Variants in SBF2 observed in about 807,000 individuals in gnomAD.
The protein encoded by SBF2 is SET binding factor 2, also known as myotubularin-related protein 13.
In SBF2, 112 loss-of-function variants were observed where a neutral mutation model predicts 225.2. That is an observed-to-expected ratio of 0.50 (90% CI 0.43 to 0.58). The LOEUF (loss-of-function observed/expected upper bound fraction) is 0.58. Ranked by LOEUF, SBF2 falls within the 20% of genes least tolerant of loss-of-function variation. SBF2 has a pLI of 0.00. For missense variants in SBF2, 1,996 were observed against 2,206.2 expected (o/e 0.90, Z 1.91); for synonymous variants, 763 against 773.3 (o/e 0.99, Z 0.22).
chr11:9,780,151 G>T lies in SBF2; in HGVS notation c.*267C>A. On this transcript the variant is annotated 3_prime_UTR_variant, in exon 40 of 40. Coordinates refer to ENST00000256190, the MANE Select transcript of SBF2 (RefSeq NM_030962.4). Reference sequence around the variant, plus strand: ...TGGGTGAGGTTCACAGTTGGCTCAGGAGACATCTTCTGATCATTAACCACT... The same window carrying T: ...TGGGTGAGGTTCACAGTTGGCTCAGTAGACATCTTCTGATCATTAACCACT... 2.2e-6 allele frequency: 1 copy of T among 464,904 alleles called. No individual in the cohort carries two copies. The highest frequency in any genetic ancestry group is 4.0e-6 in the Non-Finnish European group (1 of 251,792). 28.8% of individuals were successfully genotyped at this position (464,904 alleles called of 1,614,324 possible).
At chr11:9,940,383 C>A (rs942393140) in intron 16 of SBF2, among the ~76,000 whole-genome samples, 4 of 149,108 alleles carry the variant, frequency 2.7e-5, no homozygotes, top group Non-Finnish European at 6.0e-5. Context: ...CCAGCCTGGG[C>A]AACACAGCGA....
Position 9,923,350 on chromosome 11 carries a change from G to C in SBF2, c.1861-27339C>G, listed in dbSNP as rs1027989795. Among the ~76,000 whole-genome samples the C allele has an allele frequency of 5.3e-5, 8 of 152,134 alleles. No homozygotes were observed. The East Asian group carries it at 1.5e-3, about 29-fold the overall frequency. ...AACAACAACAAAACAGACAAGGCGT[G>C]CTGAGTTCTACAATGGAGAGACTAA... On this transcript the variant is annotated intron_variant, in intron 16 of 39. Transcript: ENST00000256190.
At chr11:9,834,591 G>A (rs527811510) in intron 26 of SBF2, among the ~76,000 whole-genome samples, 12 of 152,286 alleles carry the variant, frequency 7.9e-5, no homozygotes, top group African/African-American at 2.6e-4. Flanking sequence ...TGATAACTTG[G>A]AAGCATTCTG....
intron 1 of SBF2, among the ~76,000 whole-genome samples, chr11:10,267,260 C>T (rs1037459462): frequency 2.0e-5 from 3 of 151,636 alleles, no homozygotes; most frequent in Admixed American, 2.0e-4. Flanking sequence ...TATACAAACC[C>T]GAAACTGTCT....
At chr11:10,019,793 T>TA (rs369154232) in intron 6 of SBF2, among the ~76,000 whole-genome samples, 6 of 152,144 alleles carry the variant, frequency 3.9e-5, no homozygotes, top group African/African-American at 1.4e-4. Flanking sequence ...ATCATTTCAG[T>TA]AAAAAGGATA....
chr11:9,967,924 T>C, intron 14 of SBF2, among the ~76,000 whole-genome samples: 1 of 114,116 alleles, frequency 8.8e-6, no homozygotes, highest in African/African-American at 3.2e-5. Flanking sequence ...TGTCTGTCTG[T>C]CTGTCTGTCT....
intron 32 of SBF2, among the ~76,000 whole-genome samples, chr11:9,799,368 A>G (rs1229656400): frequency 1.3e-5 from 2 of 152,172 alleles, no homozygotes; most frequent in African/African-American, 4.8e-5. Context: ...ATCAAGGTGT[A>G]TACGCTTGGG....
Position 10,042,891 on chromosome 11 carries a change from G to C in SBF2, c.232C>G (p.His78Asp). The change falls in exon 3 of 40, where the codon CAT becomes GAT. Residue 78 changes from histidine to aspartate, a missense_variant. By Grantham distance (81) the His-to-Asp change is moderately conservative (BLOSUM62 -1). Transcript: ENST00000256190. ...VVLTDIDSDR[H>D]YCSCLTFYEA... is the part of the protein sequence containing the mutation. ...TAGAAGGTTAGGCATGAGCAGTAAT[G>C]TCGATCTGAGTCAATGTCTGTCAGG... is the stretch of plus-strand genomic sequence containing the variant. 1.2e-6 allele frequency: 2 copies of C among 1,614,006 alleles called. No individual in the cohort carries two copies. Among genetic ancestry groups the C allele is most frequent in the Non-Finnish European group, 1.7e-6 (2 of 1,179,902 alleles).
intron 6 of SBF2, among the ~76,000 whole-genome samples, chr11:10,012,837 G>A (rs924854748): frequency 6.6e-6 from 1 of 151,596 alleles, no homozygotes; most frequent in Admixed American, 6.6e-5. Flanking sequence ...AAATCTGCTT[G>A]TAATGTTAGG....
At chr11:9,935,643 A>T (rs1864842895) in intron 16 of SBF2, among the ~76,000 whole-genome samples, 1 of 152,188 alleles carries the variant, frequency 6.6e-6, no homozygotes. Flanking sequence ...AGGCCTCAGA[A>T]ATATCACCAC....
chr11:10,183,427 T>G (rs1956813368), intron 2 of SBF2, among the ~76,000 whole-genome samples: 1 of 152,144 alleles, frequency 6.6e-6, no homozygotes, highest in South Asian at 2.1e-4. Flanking sequence ...TTTTTCAAGG[T>G]TTTTCAGGAA....
chr11:10,172,472 C>T (rs1343969097), intron 2 of SBF2, among the ~76,000 whole-genome samples: 1 of 152,146 alleles, frequency 6.6e-6, no homozygotes, highest in African/African-American at 2.4e-5. Context: ...CTGCCTCAGC[C>T]TCCCAAGTAG....
At chr11:9,986,066 G>A (rs1347546606) in intron 13 of SBF2, among the ~76,000 whole-genome samples, 2 of 152,040 alleles carry the variant, frequency 1.3e-5, no homozygotes, top group African/African-American at 4.8e-5. Flanking sequence ...TAAGAAAACT[G>A]AAATTTTATC....
intron 1 of SBF2, among the ~76,000 whole-genome samples, chr11:10,225,044 G>C (rs1958483818): frequency 6.6e-6 from 1 of 152,154 alleles, no homozygotes; most frequent in Admixed American, 6.6e-5. Flanking sequence ...CTTGGAGATA[G>C]AGGGGTATGA....
intron 1 of SBF2, among the ~76,000 whole-genome samples, chr11:10,301,887 T>A (rs1163680995): frequency 6.6e-6 from 1 of 152,260 alleles, no homozygotes; most frequent in Non-Finnish European, 1.5e-5. Flanking sequence ...AATGTCAGGA[T>A]GTACACATTT....
intron 1 of SBF2, among the ~76,000 whole-genome samples, chr11:10,227,356 T>A (rs999194501): frequency 6.6e-6 from 1 of 152,232 alleles, no homozygotes; most frequent in Non-Finnish European, 1.5e-5. Context: ...TTGGCTTTTG[T>A]TGCCATTGCT....
intron 2 of SBF2, among the ~76,000 whole-genome samples, chr11:10,157,979 A>C (rs72861704): frequency 0.05 from 7,634 of 152,316 alleles, 287 homozygotes; most frequent in Middle Eastern, 0.15. Flanking sequence ...AACTGAAATC[A>C]TAGCAAGAAT....
intron 17 of SBF2, among the ~76,000 whole-genome samples, chr11:9,886,993 G>A (rs1251252722): frequency 1.3e-5 from 2 of 152,130 alleles, no homozygotes; most frequent in African/African-American, 4.8e-5. Flanking sequence ...TACTCAGGAC[G>A]TGGTAGCATA....
intron 16 of SBF2, among the ~76,000 whole-genome samples, chr11:9,955,451 C>A (rs1237968536): frequency 1.3e-5 from 2 of 152,010 alleles, no homozygotes; most frequent in African/African-American, 4.8e-5. Flanking sequence ...TATTTAGTAG[C>A]TGAACAGTGT....
Sources: gnomAD v4.1 joint callset for allele counts (sites outside exome capture counted in the v4.1 genomes callset) on GRCh38, gnomAD v4.1.1 for gene constraint, MANE v1.5 for transcripts, NCBI Gene and HGNC (gene_info 2026-07-23, HGNC 2026-07-21) for gene names.